The following PIGK variants were observed in gnomAD, a reference collection of about 807,000 sequenced individuals.
The protein encoded by PIGK is phosphatidylinositol glycan anchor biosynthesis class K, also known as GPI-anchor transamidase.
In PIGK, 42 loss-of-function variants were observed where a neutral mutation model predicts 50.6. The ratio of observed to expected loss-of-function variants is 0.83; its 90% CI spans 0.65 to 1.07. The LOEUF (loss-of-function observed/expected upper bound fraction) is 1.07. PIGK is among the 50% of genes least tolerant of loss of function. PIGK has a pLI of 0.00. For missense variants in PIGK, 448 were observed against 488.7 expected, an observed-to-expected ratio of 0.92 and a Z score of 0.78; for synonymous variants, 151 against 156.0, an observed-to-expected ratio of 0.97 and a Z score of 0.24.
intron 10 of PIGK, among the ~76,000 whole-genome samples, chr1:77,113,071 ACT>A (rs1274669666): frequency 2.0e-5 from 3 of 152,192 alleles, no homozygotes; most frequent in South Asian, 2.1e-4. Context: ...AAGGATCAAA[ACT>A]CAGTTTAGAA....
At chr1:77,160,923 G>A (rs969637445) in intron 8 of PIGK, among the ~76,000 whole-genome samples, 1 of 152,052 alleles carries the variant, frequency 6.6e-6, no homozygotes, top group Non-Finnish European at 1.5e-5. Flanking sequence ...TGTTACCAAG[G>A]AGAAATAAAG....
chr1:77,169,370 C>A lies in PIGK; in HGVS notation c.265G>T (p.Asp89Tyr), dbSNP rs1655305612. ...DSHIVLMLADDMACNPRNPKP... is the reference protein window; with the variant it reads ...DSHIVLMLADYMACNPRNPKP... The stretch of plus-strand genomic sequence containing the variant: ...GGATTTCTAGGATTACAGGCCATAT[C>A]ATCTGCAAGCATTAGGACAATGTGA... The change falls in exon 4 of 11, where the codon GAT becomes TAT. Residue 89 changes from aspartate (D) to tyrosine (Y), a missense_variant. Transcript: ENST00000370812. 1 of 1,603,694 alleles carries A rather than the reference C, an allele frequency of 6.2e-7. No individual in the cohort carries two copies. The highest frequency in any genetic ancestry group is 1.3e-5 in the African/African-American group (1 of 74,442).
In PIGK at chr1:77,122,406, T is replaced by G. The variant is rs556434083; in HGVS notation, c.987-47A>C. On this transcript the variant is annotated intron_variant, in intron 9 of 10. Transcript: ENST00000370812. The stretch of plus-strand genomic sequence containing the variant: ...CACAGAGCTAAGGCAAATACTATTT[T>G]GAAATATAGCAAATATTTAAATATG... The G allele has an allele frequency of 7.1e-6, 7 of 980,880 alleles. No homozygotes were observed. In the South Asian group the frequency reaches 9.7e-5, roughly 14 times the overall value. 60.8% of individuals were successfully genotyped at this position (980,880 alleles called of 1,614,324 possible).
At chr1:77,125,137 C>T (rs1654201580) in intron 9 of PIGK, among the ~76,000 whole-genome samples, 1 of 152,126 alleles carries the variant, frequency 6.6e-6, no homozygotes, top group African/African-American at 2.4e-5. Context: ...ATGTCTCTTA[C>T]TCAATATAAA....
chr1:77,131,710 T>C (rs1570208115), intron 9 of PIGK, among the ~76,000 whole-genome samples: 1 of 152,128 alleles, frequency 6.6e-6, no homozygotes, highest in East Asian at 1.9e-4. Flanking sequence ...TACACTAGTA[T>C]ATTTTCTAAT....
intron 3 of PIGK, among the ~76,000 whole-genome samples, chr1:77,200,323 T>C (rs1312501180): frequency 6.6e-6 from 1 of 151,974 alleles, no homozygotes; most frequent in Non-Finnish European, 1.5e-5. Context: ...AATAAAGTCT[T>C]AGACAAAAGT....
At chr1:77,158,004 T>C (rs1016795773) in intron 8 of PIGK, among the ~76,000 whole-genome samples, 2 of 152,126 alleles carry the variant, frequency 1.3e-5, no homozygotes, top group Admixed American at 6.5e-5. Flanking sequence ...ACCTCTTTTT[T>C]GTTATTTTTG....
intron 10 of PIGK, among the ~76,000 whole-genome samples, chr1:77,105,147 G>A (rs1452250663): frequency 6.6e-6 from 1 of 152,052 alleles, no homozygotes; most frequent in Non-Finnish European, 1.5e-5. Context: ...AAGGGAGCTG[G>A]AGAGGGGACA....
At chr1:77,140,487 G>T in intron 9 of PIGK, among the ~76,000 whole-genome samples, 1 of 152,086 alleles carries the variant, frequency 6.6e-6, no homozygotes, top group East Asian at 1.9e-4. Context: ...TGTACAGACT[G>T]CAGAACAATA....
At position 77,183,582 on chromosome 1, in the gene PIGK, A is replaced by G. The variant is rs188069169; in HGVS notation, c.240-14187T>C. ...TGAGTTTTCTAATTTTTATAAACAG[A>G]AATCTGGAGAACAGGCATGGGAATG... On this transcript the variant is annotated intron_variant, in intron 3 of 10. Transcript: ENST00000370812. Among the ~76,000 whole-genome samples the G allele has an allele frequency of 2.0e-5, 3 of 152,322 alleles. No homozygotes were observed. The East Asian group carries it at 5.8e-4, about 29-fold the overall frequency.
intron 9 of PIGK, among the ~76,000 whole-genome samples, chr1:77,128,165 C>A (rs1287179216): frequency 6.6e-6 from 1 of 152,150 alleles, no homozygotes; most frequent in Non-Finnish European, 1.5e-5. Flanking sequence ...AAACTCCCTG[C>A]ATCACTATTT....
In PIGK at chr1:77,216,300, A is replaced by C. The variant is rs2100591975; in HGVS notation, c.93+3010T>G. 2.6e-5 allele frequency among the ~76,000 whole-genome samples: 4 copies of C among 152,336 alleles called. 1 individual carries two copies. In the Middle Eastern group the frequency reaches 0.014, roughly 518 times the overall value. On this transcript the variant is annotated intron_variant, in intron 1 of 10. Transcript: ENST00000370812. ...GAATACAACATTGGTCAGAAAGTAA[A>C]GTATCTATTTCTGGAGATTTGTGAA...
chr1:77,140,364 G>T (rs1301399668), intron 9 of PIGK, among the ~76,000 whole-genome samples: 1 of 147,906 alleles, frequency 6.8e-6, no homozygotes, highest in African/African-American at 2.5e-5. Context: ...ACTTACACTT[G>T]CTCCGGTTCT....
intron 2 of PIGK, among the ~76,000 whole-genome samples, chr1:77,207,298 A>C (rs1168389465): frequency 1.3e-5 from 2 of 152,208 alleles, no homozygotes; most frequent in Admixed American, 6.5e-5. Flanking sequence ...TACTGAACCA[A>C]CTTAGTTATC....
intron 9 of PIGK, among the ~76,000 whole-genome samples, chr1:77,138,596 C>A (rs531248204): frequency 1.6e-4 from 25 of 152,318 alleles, no homozygotes; most frequent in African/African-American, 6.0e-4. Context: ...ACACTTCCAA[C>A]CTACAGATAC....
At chr1:77,173,074 G>A (rs902604360) in intron 3 of PIGK, among the ~76,000 whole-genome samples, 2 of 152,188 alleles carry the variant, frequency 1.3e-5, no homozygotes, top group Admixed American at 6.5e-5. Flanking sequence ...TGGTAAAAAT[G>A]AGATTCTTAA....
chr1:77,090,423 C>G lies in PIGK; in HGVS notation c.*1951G>C, dbSNP rs913715929. 2.6e-5 allele frequency: 4 copies of G among 152,148 alleles called. No homozygotes were observed. The highest frequency in any genetic ancestry group is 6.5e-5 in the Admixed American group (1 of 15,286). 9.4% of individuals were successfully genotyped at this position (152,148 alleles called of 1,614,324 possible). A position where few individuals can be genotyped will look rare whatever the true frequency, so the allele number is the denominator to read the frequency against. On this transcript the variant is annotated 3_prime_UTR_variant, in exon 11 of 11. Coordinates refer to ENST00000370812, the MANE Select transcript of PIGK (RefSeq NM_005482.3). Reference sequence around the variant, plus strand: ...ATATTCTGAAGATTCAATAATGAAACAGAGGAACAACTGCCCTTTGAAATT... The same window carrying G: ...ATATTCTGAAGATTCAATAATGAAAGAGAGGAACAACTGCCCTTTGAAATT...
At chr1:77,129,131 T>C in intron 9 of PIGK, 2 of 1,268,158 alleles carry the variant, frequency 1.6e-6, no homozygotes, top group Non-Finnish European at 1.2e-6. Flanking sequence ...GCTACTCACT[T>C]GACCCGGAGA....
chr1:77,121,986 G>T (rs1654104173), intron 10 of PIGK, among the ~76,000 whole-genome samples: 1 of 152,110 alleles, frequency 6.6e-6, no homozygotes, highest in African/African-American at 2.4e-5. Flanking sequence ...GGGTCAAAAT[G>T]AAAGTTTTCT....
Sources: gnomAD v4.1 joint callset for allele counts (sites outside exome capture counted in the v4.1 genomes callset) on GRCh38, gnomAD v4.1.1 for gene constraint, MANE v1.5 for transcripts, NCBI Gene and HGNC (gene_info 2026-07-23, HGNC 2026-07-21) for gene names.